The following CALCR variants were observed in gnomAD, a reference collection of about 807,000 sequenced individuals.
CALCR encodes calcitonin receptor.
CALCR carries 47 observed loss-of-function variants against 59.5 expected under a neutral mutation model. The ratio of observed to expected loss-of-function variants is 0.79; its 90% CI spans 0.63 to 1.01. The LOEUF is 1.01. Ranked by LOEUF, CALCR falls within the 50% of genes least tolerant of loss-of-function variation. The pLI is 0.00. For missense variants in CALCR, 566 were observed against 597.1 expected (o/e 0.95, Z 0.54); for synonymous variants, 213 against 211.3 (o/e 1.01, Z -0.07).
At chr7:93,539,760 A>G (rs933989519) in intron 2 of CALCR, among the ~76,000 whole-genome samples, 2 of 152,186 alleles carry the variant, frequency 1.3e-5, no homozygotes, top group East Asian at 3.8e-4. Flanking sequence ...TGTGATGGAA[A>G]GAGCATGGTG....
At chr7:93,570,238 G>A (rs1789970793) in intron 2 of CALCR, among the ~76,000 whole-genome samples, 1 of 152,028 alleles carries the variant, frequency 6.6e-6, no homozygotes, top group African/African-American at 2.4e-5. Context: ...TGAACAGAGG[G>A]GGAGAAATTA....
rs534288908 is a variant in CALCR, at chr7:93,440,163, C to T, written c.803-1893G>A. Among the ~76,000 whole-genome samples, 4 of 152,034 alleles carry T rather than the reference C, an allele frequency of 2.6e-5. 1 individual carries two copies. The South Asian group carries it at 8.3e-4, about 32-fold the overall frequency. ...TATAATACAACTGGGCTTTTTTGGG[C>T]CATATTTTCTGCAGTCTAACTTTCA... On this transcript the variant is annotated intron_variant, in intron 9 of 13. Transcript: ENST00000426151.
chr7:93,569,049 C>G (rs1789937881), intron 2 of CALCR, among the ~76,000 whole-genome samples: 1 of 150,366 alleles, frequency 6.7e-6, no homozygotes, highest in South Asian at 2.1e-4. Context: ...TCACCAAATC[C>G]TACAAAATCT....
chr7:93,468,829 A>AACAAACAAACAC, intron 6 of CALCR, 23 bp from the exon 7 acceptor site: 1 of 1,275,744 alleles, frequency 7.8e-7, no homozygotes, highest in Non-Finnish European at 1.1e-6. Flanking sequence ...AAAGTAAACA[A>AACAAACAAACAC]ACAAACAATG....
At chr7:93,486,341 G>A (rs1053582081) in intron 3 of CALCR, among the ~76,000 whole-genome samples, 2 of 151,420 alleles carry the variant, frequency 1.3e-5, no homozygotes, top group African/African-American at 2.4e-5. Context: ...AATCTTTTAG[G>A]AATAAAACAA....
At chr7:93,486,896 A>G (rs764763505) in intron 3 of CALCR, 35 bp downstream of exon 3, 1 of 1,248,954 alleles carries the variant, frequency 8.0e-7, no homozygotes, top group Non-Finnish European at 1.2e-6. Flanking sequence ...AGCATTCTTC[A>G]TTAGCATGGC....
At chr7:93,558,180 T>C (rs1436525722) in intron 2 of CALCR, among the ~76,000 whole-genome samples, 1 of 151,540 alleles carries the variant, frequency 6.6e-6, no homozygotes, top group Non-Finnish European at 1.5e-5. Flanking sequence ...AAATTAATCA[T>C]GAATACAGAA....
intron 7 of CALCR, among the ~76,000 whole-genome samples, chr7:93,467,407 T>C (rs1421866993): frequency 2.6e-5 from 4 of 151,670 alleles, no homozygotes; most frequent in Non-Finnish European, 5.9e-5. Flanking sequence ...GAATCTTGAC[T>C]AAGATATAGA....
chr7:93,535,473 G>A (rs555715610), intron 2 of CALCR, among the ~76,000 whole-genome samples: 4 of 151,658 alleles, frequency 2.6e-5, no homozygotes, highest in South Asian at 2.1e-4. Flanking sequence ...GAGTAAGTAT[G>A]AGGATGACAT....
intron 2 of CALCR, among the ~76,000 whole-genome samples, chr7:93,517,169 T>G (rs1432114594): frequency 6.6e-6 from 1 of 151,782 alleles, no homozygotes; most frequent in African/African-American, 2.4e-5. Flanking sequence ...GAACAGAAGC[T>G]GTTTTTACTA....
intron 2 of CALCR, among the ~76,000 whole-genome samples, chr7:93,532,838 CAAAAAAAA>C (rs57128008): frequency 0.33 from 32,155 of 96,094 alleles, 3,949 homozygotes; most frequent in Middle Eastern, 0.41. Context: ...ATGTCCAAAG[CAAAAAAAA>C]AAAAAAAAAA....
At chr7:93,562,411 GAACAAC>G (rs144086474) in intron 2 of CALCR, among the ~76,000 whole-genome samples, 15,929 of 151,108 alleles carry the variant, frequency 0.11, 2,696 homozygotes, top group African/African-American at 0.36. Flanking sequence ...TTATAAAAAG[GAACAAC>G]AACAACAACA....
intron 2 of CALCR, among the ~76,000 whole-genome samples, chr7:93,541,682 C>A (rs545198017): frequency 1.3e-5 from 2 of 152,154 alleles, no homozygotes; most frequent in Admixed American, 1.3e-4. Context: ...TATGTGCTAA[C>A]GTACAAAGAA....
chr7:93,429,976 G>C (rs1342204431), intron 13 of CALCR, among the ~76,000 whole-genome samples: 2 of 134,316 alleles, frequency 1.5e-5, no homozygotes, highest in African/African-American at 6.6e-5. Flanking sequence ...CTGTCTCCCA[G>C]GCTGGAGTGC....
intron 7 of CALCR, among the ~76,000 whole-genome samples, chr7:93,468,509 T>C (rs933115541): frequency 3.3e-5 from 5 of 151,774 alleles, no homozygotes; most frequent in Non-Finnish European, 7.4e-5. Context: ...TTGAAAATGA[T>C]ATAAATTTAT....
chr7:93,487,681 C>G (rs957478623), intron 2 of CALCR, among the ~76,000 whole-genome samples: 3 of 151,366 alleles, frequency 2.0e-5, no homozygotes, highest in African/African-American at 7.3e-5. Context: ...GAAAACTTAA[C>G]AAAGGGTTAA....
chr7:93,445,377 T>C (rs2115736902), intron 8 of CALCR, among the ~76,000 whole-genome samples: 1 of 152,246 alleles, frequency 6.6e-6, no homozygotes, highest in South Asian at 2.1e-4. Context: ...AGCCCTATTC[T>C]TTCTGGATCC....
chr7:93,483,596 G>A (rs1800856072), intron 3 of CALCR, among the ~76,000 whole-genome samples: 1 of 151,172 alleles, frequency 6.6e-6, no homozygotes, highest in African/African-American at 2.4e-5. Context: ...TTTATTAAAT[G>A]TTAAACTTTT....
chr7:93,528,557 C>T (rs62468276), intron 2 of CALCR, among the ~76,000 whole-genome samples: 13,022 of 151,922 alleles, frequency 0.086, 621 homozygotes, highest in African/African-American at 0.099. Context: ...GATAGTTTGC[C>T]GAGAATGATG....
Sources: gnomAD v4.1 joint callset for allele counts (sites outside exome capture counted in the v4.1 genomes callset) on GRCh38, gnomAD v4.1.1 for gene constraint, MANE v1.5 for transcripts, NCBI Gene and HGNC (gene_info 2026-07-23, HGNC 2026-07-21) for gene names.